The following KCNMB2 variants were observed in gnomAD, a reference collection of about 807,000 sequenced individuals.
KCNMB2 encodes the protein calcium-activated potassium channel subunit beta-2.
A neutral mutation model predicts 24.5 loss-of-function variants in KCNMB2; 9 were observed. The observed-to-expected ratio is 0.37, with a 90% CI of 0.22 to 0.64. The LOEUF is 0.64. Ranked by LOEUF, KCNMB2 falls within the 30% of genes least tolerant of loss-of-function variation. The probability of loss-of-function intolerance (pLI) is 0.63; values close to 1 mark genes in which losing one functional copy is unlikely to be tolerated. For missense variants in KCNMB2, 226 were observed against 284.3 expected (o/e 0.79, Z 1.47); for synonymous variants, 109 against 104.4 (o/e 1.04, Z -0.27).
At chr3:178,550,923 G>C (rs1321184013) in intron 1 of KCNMB2, among the ~76,000 whole-genome samples, 2 of 151,936 alleles carry the variant, frequency 1.3e-5, no homozygotes, top group African/African-American at 2.4e-5. Context: ...GATGAGAGTG[G>C]GTAATCATGT....
At chr3:178,762,205 C>T (rs949223289) in intron 1 of KCNMB2, among the ~76,000 whole-genome samples, 1 of 151,936 alleles carries the variant, frequency 6.6e-6, no homozygotes, top group Non-Finnish European at 1.5e-5. Flanking sequence ...AGAAAGTAAT[C>T]GGAAGAAAAA....
At chr3:178,655,732 C>A (rs1720311218) in intron 1 of KCNMB2, among the ~76,000 whole-genome samples, 1 of 152,188 alleles carries the variant, frequency 6.6e-6, no homozygotes, top group South Asian at 2.1e-4. Flanking sequence ...CTGGGCAGCA[C>A]CAGCAGAGAA....
rs183596384 is a variant in KCNMB2, at chr3:178,788,715, G to T, written c.-67-18628G>T. Reference sequence around the variant, plus strand: ...TAAAAGTTCTTTCAACTAAACCTGAGATGGTCATTTCTGATAGCTGTGATG... The same window carrying T: ...TAAAAGTTCTTTCAACTAAACCTGATATGGTCATTTCTGATAGCTGTGATG... On this transcript the variant is annotated intron_variant, in intron 1 of 4. Transcript: ENST00000452583. Among the ~76,000 whole-genome samples the T allele has an allele frequency of 2.5e-3, 385 of 152,284 alleles. 2 individuals are homozygous for T. The highest frequency in any genetic ancestry group is 0.017 in the Middle Eastern group (5 of 294).
At chr3:178,695,453 T>C (rs935959559) in intron 1 of KCNMB2, among the ~76,000 whole-genome samples, 8 of 152,228 alleles carry the variant, frequency 5.3e-5, no homozygotes, top group Admixed American at 3.3e-4. Flanking sequence ...TTTTCTTTTC[T>C]ACTGCCTCAT....
intron 1 of KCNMB2, among the ~76,000 whole-genome samples, chr3:178,755,496 T>C (rs1185666566): frequency 1.3e-5 from 2 of 152,212 alleles, no homozygotes; most frequent in African/African-American, 2.4e-5. Flanking sequence ...ACAAAAATAC[T>C]TTTAACCTCT....
In KCNMB2 at chr3:178,680,559, C is replaced by A. The variant is rs1275593020; in HGVS notation, c.-67-126784C>A. Among the ~76,000 whole-genome samples, 4 of 151,990 alleles carry A rather than the reference C, an allele frequency of 2.6e-5. No individual in the cohort carries two copies. In the East Asian group the frequency reaches 7.7e-4, roughly 29 times the overall value. On this transcript the variant is annotated intron_variant, in intron 1 of 4. Transcript: ENST00000452583. ...TTACTGAAAAAAGAAATATTATAAC[C>A]CAACTCCAATGTGAGGAATTTCTCA...
chr3:178,583,633 C>G (rs972389663), intron 1 of KCNMB2, among the ~76,000 whole-genome samples: 6 of 152,158 alleles, frequency 3.9e-5, no homozygotes, highest in Non-Finnish European at 7.4e-5. Context: ...CTTTTCACAG[C>G]TAAAATCTAC....
At chr3:178,662,557 T>C (rs1251037390) in intron 1 of KCNMB2, among the ~76,000 whole-genome samples, 16 of 152,146 alleles carry the variant, frequency 1.1e-4, no homozygotes, top group Non-Finnish European at 2.1e-4. Flanking sequence ...GTATCATCTA[T>C]TACATGGTGC....
intron 1 of KCNMB2, among the ~76,000 whole-genome samples, chr3:178,568,881 TA>T (rs1716661396): frequency 6.8e-6 from 1 of 146,104 alleles, no homozygotes; most frequent in Non-Finnish European, 1.5e-5. Context: ...GATAGATAGA[TA>T]GATAGATAGA....
intron 1 of KCNMB2, among the ~76,000 whole-genome samples, chr3:178,745,703 G>T: frequency 6.6e-6 from 1 of 152,200 alleles, no homozygotes; most frequent in East Asian, 1.9e-4. Flanking sequence ...ATACAATGGG[G>T]GTACAGCATT....
At chr3:178,789,899 G>A (rs1159993217) in intron 1 of KCNMB2, among the ~76,000 whole-genome samples, 2 of 151,964 alleles carry the variant, frequency 1.3e-5, no homozygotes, top group African/African-American at 4.8e-5. Flanking sequence ...CTTGGTGGGT[G>A]CACAACCCAG....
intron 1 of KCNMB2, among the ~76,000 whole-genome samples, chr3:178,699,185 C>T (rs561569751): frequency 6.6e-6 from 1 of 152,326 alleles, no homozygotes; most frequent in Non-Finnish European, 1.5e-5. Context: ...GCCTGGGTGC[C>T]TTCTCCATGC....
At position 178,788,395 on chromosome 3, in the gene KCNMB2, G is replaced by C. The variant is rs1456557893; in HGVS notation, c.-67-18948G>C. ...AAAATGTGTTTTCCATTTCTTCAGA[G>C]GGCTTTTCGGGTTCTTTGGAAAAAA... is the stretch of plus-strand genomic sequence containing the variant. On this transcript the variant is annotated intron_variant, in intron 1 of 4. Transcript: ENST00000452583. Among the ~76,000 whole-genome samples the C allele has an allele frequency of 3.9e-5, 6 of 152,054 alleles. No homozygotes were observed. In the East Asian group the frequency reaches 5.8e-4, roughly 15 times the overall value.
intron 1 of KCNMB2, among the ~76,000 whole-genome samples, chr3:178,770,338 A>C (rs538186128): frequency 2.0e-4 from 30 of 152,366 alleles, no homozygotes; most frequent in Admixed American, 8.5e-4. Flanking sequence ...ATCAAGGCAG[A>C]GATTTAGTTT....
intron 1 of KCNMB2, among the ~76,000 whole-genome samples, chr3:178,599,413 A>G (rs1196440926): frequency 2.0e-5 from 3 of 152,188 alleles, no homozygotes; most frequent in South Asian, 4.1e-4. Flanking sequence ...CTACTAAAAA[A>G]GCAGGAAAAA....
At chr3:178,695,944 C>T (rs1721858629) in intron 1 of KCNMB2, among the ~76,000 whole-genome samples, 1 of 152,166 alleles carries the variant, frequency 6.6e-6, no homozygotes, top group African/African-American at 2.4e-5. Flanking sequence ...CTCCCAGCAC[C>T]AATTTACTGT....
intron 1 of KCNMB2, among the ~76,000 whole-genome samples, chr3:178,681,954 T>G (rs575291118): frequency 6.6e-5 from 10 of 152,268 alleles, no homozygotes; most frequent in African/African-American, 2.2e-4. Flanking sequence ...ACTCTCAGTA[T>G]CCCCAAGGCT....
chr3:178,631,914 C>T (rs1214705630), intron 1 of KCNMB2, among the ~76,000 whole-genome samples: 3 of 152,216 alleles, frequency 2.0e-5, no homozygotes, highest in Non-Finnish European at 4.4e-5. Context: ...GCCACAGCTT[C>T]ACATCATGCA....
At chr3:178,590,210 T>C in intron 1 of KCNMB2, among the ~76,000 whole-genome samples, 1 of 152,156 alleles carries the variant, frequency 6.6e-6, no homozygotes, top group South Asian at 2.1e-4. Context: ...TGCTGGAAGG[T>C]CATAGTGACA....
Sources: allele counts gnomAD v4.1 joint callset (sites outside exome capture counted in the v4.1 genomes callset), GRCh38; gene constraint gnomAD v4.1.1; transcripts MANE v1.5; gene names NCBI Gene and HGNC (gene_info 2026-07-23, HGNC 2026-07-21).